ANO10: variants seen among roughly 807,000 people sequenced by gnomAD.
The protein encoded by ANO10 is anoctamin 10.
Under a neutral mutation model 74.7 loss-of-function variants are expected in ANO10, and 77 were observed. The ratio of observed to expected loss-of-function variants is 1.03; its 90% CI spans 0.86 to 1.25. The LOEUF (loss-of-function observed/expected upper bound fraction) is 1.25. Ranked by LOEUF, ANO10 falls within the 50% of genes most tolerant of loss-of-function variation. ANO10 has a pLI of 0.00. For synonymous variants in ANO10, 279 were observed against 284.9 expected (o/e 0.98, Z 0.21); for missense variants, 721 against 778.1 (o/e 0.93, Z 0.87).
intron 12 of ANO10, among the ~76,000 whole-genome samples, chr3:43,410,380 A>G (rs1208809855): frequency 6.6e-6 from 1 of 152,114 alleles, no homozygotes; most frequent in Non-Finnish European, 1.5e-5. Flanking sequence ...CCTCCTCCCA[A>G]GTAGCTGGGA....
intron 11 of ANO10, among the ~76,000 whole-genome samples, chr3:43,542,275 C>G (rs1445868338): frequency 6.6e-6 from 1 of 152,032 alleles, no homozygotes; most frequent in Non-Finnish European, 1.5e-5. Flanking sequence ...TCAGAATCAG[C>G]AAGTCTTGAT....
chr3:43,416,634 G>A (rs375663242), intron 12 of ANO10, among the ~76,000 whole-genome samples: 5 of 152,240 alleles, frequency 3.3e-5, no homozygotes, highest in African/African-American at 1.2e-4. Flanking sequence ...TACTTGTGAG[G>A]CCTTGTTCAC....
upstream of ANO10, among the ~76,000 whole-genome samples, chr3:43,626,540 A>G (rs1263386001): frequency 1.3e-5 from 2 of 151,644 alleles, no homozygotes; most frequent in Non-Finnish European, 2.9e-5. Context: ...ACCTCAAGTG[A>G]TCTGCCCACC....
chr3:43,568,855 T>C (rs1485253606), intron 7 of ANO10, among the ~76,000 whole-genome samples: 33 of 149,482 alleles, frequency 2.2e-4, no homozygotes, highest in African/African-American at 7.5e-4. Flanking sequence ...CTGAAGGAGA[T>C]AGAGACACAA....
At chr3:43,531,619 C>T (rs550585351) in intron 11 of ANO10, among the ~76,000 whole-genome samples, 3 of 152,250 alleles carry the variant, frequency 2.0e-5, no homozygotes, top group South Asian at 4.1e-4. Flanking sequence ...TGAGGCCGGG[C>T]GCAGTGGCTC....
upstream of ANO10, among the ~76,000 whole-genome samples, chr3:43,624,559 C>T (rs1289141993): frequency 6.6e-6 from 1 of 152,172 alleles, no homozygotes; most frequent in Non-Finnish European, 1.5e-5. Flanking sequence ...GCCTGCTCCC[C>T]CTTTGCTGTC....
chr3:43,478,891 A>G (rs2076169212), intron 11 of ANO10, among the ~76,000 whole-genome samples: 2 of 152,220 alleles, frequency 1.3e-5, no homozygotes, highest in Non-Finnish European at 2.9e-5. Flanking sequence ...AGCATCTAAA[A>G]GCAAACCCAA....
Position 43,407,321 on chromosome 3 carries a change from G to A in ANO10, c.1914+25290C>T, listed in dbSNP as rs930412904. On this transcript the variant is annotated intron_variant, in intron 12 of 12. Coordinates refer to ENST00000292246, the MANE Select transcript of ANO10 (RefSeq NM_018075.5). ...CATGGCTTTTCTGTGCCAGCGCGCA[G>A]ACTGGAATTCAGACCACAGATTCAT... 2.6e-5 allele frequency among the ~76,000 whole-genome samples: 4 copies of A among 152,300 alleles called. No homozygotes were observed. The South Asian group carries it at 8.3e-4, about 32-fold the overall frequency.
At chr3:43,594,906 C>T (rs1220641142) in intron 4 of ANO10, among the ~76,000 whole-genome samples, 2 of 151,964 alleles carry the variant, frequency 1.3e-5, no homozygotes, top group East Asian at 1.9e-4. Context: ...ATCAAATAGA[C>T]ACAATAAAAA....
Position 43,577,209 on chromosome 3 carries a change from C to T in ANO10, c.645G>A (p.Leu215=), listed in dbSNP as rs1423017404. 1.2e-6 allele frequency: 2 copies of T among 1,614,106 alleles called. No individual in the cohort carries two copies. Among genetic ancestry groups the T allele is most frequent in the Non-Finnish European group, 1.7e-6 (2 of 1,180,012 alleles). Residue 215 remains leucine (L), a synonymous_variant, in exon 6 of 13, where the codon TTG becomes TTA. Transcript: ENST00000292246. ...GETIALYFGF[L]EYFTFALIPM... ...GGATTAATGCAAAAGTGAAATACTCCAAAAATCCAAAGTACAGAGCAATTG... is the reference window on the plus strand; with the variant it reads ...GGATTAATGCAAAAGTGAAATACTCTAAAAATCCAAAGTACAGAGCAATTG...
At chr3:43,536,949 C>A (rs1312972911) in intron 11 of ANO10, among the ~76,000 whole-genome samples, 1 of 133,134 alleles carries the variant, frequency 7.5e-6, no homozygotes, top group Non-Finnish European at 1.5e-5. Flanking sequence ...ATGCACCCAG[C>A]TGTGAAACCA....
intron 12 of ANO10, among the ~76,000 whole-genome samples, chr3:43,420,510 A>G (rs2092804290): frequency 6.6e-6 from 1 of 151,736 alleles, no homozygotes; most frequent in South Asian, 2.1e-4. Context: ...AGACAAAGAA[A>G]AAGAAAAGGA....
At position 43,555,343 on chromosome 3, in the gene ANO10, A is replaced by G; in HGVS notation, c.1603T>C (p.Leu535=). 6.2e-7 allele frequency: 1 copy of G among 1,614,154 alleles called. No individual in the cohort carries two copies. The highest frequency in any genetic ancestry group is 2.2e-5 in the East Asian group (1 of 44,874). ...CGTTTGAAGACCCTGCACATTTTTA[A>G]GGCATCTGAATTTACTTCAGTGAAG... The part of the protein sequence containing the change: ...NNFTEVNSDA[L]KMCRVFKRPF... The change falls in exon 10 of 13, where the codon TTA becomes CTA. Residue 535 remains leucine, a synonymous_variant. Coordinates refer to ENST00000292246, the MANE Select transcript of ANO10 (RefSeq NM_018075.5).
At chr3:43,660,894 C>T (rs1015257828) in intron 1 of ANO10, among the ~76,000 whole-genome samples, 13 of 152,106 alleles carry the variant, frequency 8.5e-5, no homozygotes, top group African/African-American at 2.9e-4. Context: ...ACGGAGGTTG[C>T]GTTGAGCCGA....
intron 12 of ANO10, among the ~76,000 whole-genome samples, chr3:43,399,735 G>C (rs1210358468): frequency 6.6e-6 from 1 of 152,158 alleles, no homozygotes; most frequent in Non-Finnish European, 1.5e-5. Flanking sequence ...CAAATTATCT[G>C]CAGGCCTCAT....
chr3:43,617,631 G>A (rs941699815), intron 1 of ANO10, among the ~76,000 whole-genome samples: 1 of 152,170 alleles, frequency 6.6e-6, no homozygotes, highest in Non-Finnish European at 1.5e-5. Flanking sequence ...GAGAGGTCAG[G>A]GGAGTGTGTG....
rs191992813 is a variant in ANO10, at chr3:43,425,506, C to G, written c.1914+7105G>C. Among the ~76,000 whole-genome samples the G allele has an allele frequency of 1.7e-4, 26 of 152,240 alleles. No homozygotes were observed. In the East Asian group the frequency reaches 5.0e-3, roughly 29 times the overall value. On this transcript the variant is annotated intron_variant, in intron 12 of 12. Coordinates refer to ENST00000292246, the MANE Select transcript of ANO10 (RefSeq NM_018075.5). The stretch of plus-strand genomic sequence containing the variant: ...CTGCTCAACTAACAGAACGGACCCC[C>G]TCCCCTGGGCCAAAGGGACCTCAGA...
chr3:43,575,445 T>G (rs1047927998), intron 6 of ANO10, among the ~76,000 whole-genome samples: 8 of 152,186 alleles, frequency 5.3e-5, no homozygotes, highest in African/African-American at 1.9e-4. Flanking sequence ...ACTCAGCCAC[T>G]GCCTAACCTT....
chr3:43,514,715 C>G (rs1190993118), intron 11 of ANO10, among the ~76,000 whole-genome samples: 1 of 152,156 alleles, frequency 6.6e-6, no homozygotes, highest in Non-Finnish European at 1.5e-5. Context: ...CAAGATAGCC[C>G]ATATTATGGG....
Sources: allele counts gnomAD v4.1 joint callset (sites outside exome capture counted in the v4.1 genomes callset), GRCh38; gene constraint gnomAD v4.1.1; transcripts MANE v1.5; gene names NCBI Gene and HGNC (gene_info 2026-07-23, HGNC 2026-07-21).